The following VSIG1 variants were observed in gnomAD, a reference collection of about 807,000 sequenced individuals.
VSIG1 encodes V-set and immunoglobulin domain-containing protein 1.
VSIG1 carries 11 observed loss-of-function variants against 20.1 expected under a neutral mutation model. That is an observed-to-expected ratio of 0.55 (90% CI 0.34 to 0.91). The LOEUF is 0.91. Ranked by LOEUF, VSIG1 falls within the 40% of genes least tolerant of loss-of-function variation. The pLI is 0.02. For synonymous variants in VSIG1, 126 were observed against 116.7 expected (o/e 1.08, Z -0.52); for missense variants, 283 against 298.8 (o/e 0.95, Z 0.39).
At chrX:108,059,531 T>C (rs1260323826) in intron 2 of VSIG1, among the ~76,000 whole-genome samples, 2 of 112,180 alleles carry the variant, frequency 1.8e-5, no homozygotes, top group Middle Eastern at 4.6e-3. Flanking sequence ...ATAATGCATG[T>C]GAAAAATATA....
chrX:108,020,893 T>A, the VSIG1 span, among the ~76,000 whole-genome samples: 1 of 111,925 alleles, frequency 8.9e-6, no homozygotes, highest in East Asian at 2.8e-4. Flanking sequence ...TACAGCATGG[T>A]GCTGCTGAAC....
chrX:108,049,590 T>G (rs1405374045), intron 1 of VSIG1, among the ~76,000 whole-genome samples: 1 of 112,063 alleles, frequency 8.9e-6, no homozygotes, highest in Non-Finnish European at 1.9e-5. Context: ...TGTTTTGCCT[T>G]ATCTGTTCAT....
chrX:108,054,679 G>T (rs1215000227), intron 1 of VSIG1, among the ~76,000 whole-genome samples: 2 of 110,536 alleles, frequency 1.8e-5, no homozygotes, highest in Non-Finnish European at 3.8e-5. Flanking sequence ...ATCTAAACAC[G>T]TGGAAATTAA....
the VSIG1 span, among the ~76,000 whole-genome samples, chrX:108,037,694 A>G: frequency 4.4e-5 from 5 of 112,680 alleles, no homozygotes; most frequent in South Asian, 3.6e-4. Context: ...AATGGATTAA[A>G]TCCAAATTCA....
rs1288025849 is a variant in VSIG1 at position 108,067,098 on chromosome X, G to A, written c.376G>A (p.Gly126Ser). The change falls in exon 3 of 7, where the codon GGC becomes AGC. Residue 126 changes from glycine to serine, a missense_variant. Coordinates refer to ENST00000217957, the MANE Select transcript of VSIG1 (RefSeq NM_182607.5). ...TGTTAACAACCCCCCAGACTTTCTC[G>A]GCCAAAACCAAGGCATCCTCAACGT... is the stretch of plus-strand genomic sequence containing the variant. ...CDVNNPPDFLGQNQGILNVSV... is the reference protein window; with the variant it reads ...CDVNNPPDFLSQNQGILNVSV... 1.7e-6 allele frequency: 2 copies of A among 1,211,177 alleles called. No homozygotes were observed. The highest frequency in any genetic ancestry group is 3.0e-5 in the East Asian group (1 of 33,830).
chrX:108,067,413 G>A (rs2031155017), intron 3 of VSIG1, among the ~76,000 whole-genome samples: 1 of 111,560 alleles, frequency 9.0e-6, no homozygotes, highest in African/African-American at 3.3e-5. Context: ...GGGATGGAAT[G>A]AGAACAGATG....
the VSIG1 span, among the ~76,000 whole-genome samples, chrX:108,039,435 T>C: frequency 9.0e-6 from 1 of 111,504 alleles, no homozygotes; most frequent in Non-Finnish European, 1.9e-5. Flanking sequence ...CCTCAAATGA[T>C]CCACCCGTCT....
the VSIG1 span, among the ~76,000 whole-genome samples, chrX:108,020,618 C>T: frequency 1.8e-5 from 2 of 111,935 alleles, no homozygotes; most frequent in Non-Finnish European, 3.8e-5. Flanking sequence ...TACCAGTCTT[C>T]TCTGTCTGGC....
the VSIG1 span, among the ~76,000 whole-genome samples, chrX:108,024,336 T>C: frequency 9.0e-6 from 1 of 111,241 alleles, no homozygotes; most frequent in Non-Finnish European, 1.9e-5. Context: ...GAGTCTTTTA[T>C]TTTTGATCAG....
chrX:108,044,270 A>T (rs1413603558), upstream of VSIG1, among the ~76,000 whole-genome samples: 3 of 111,616 alleles, frequency 2.7e-5, no homozygotes, highest in Admixed American at 9.5e-5. Context: ...TAATAGGAAC[A>T]CTATTAGAAG....
rs1329138268 is a variant in VSIG1 at position 108,045,134 on chromosome X, G to A, written c.4G>A (p.Val2Met). 1 of 1,191,062 alleles carries A rather than the reference G, an allele frequency of 8.4e-7. No homozygotes were observed. The highest frequency in any genetic ancestry group is 2.2e-5 in the Admixed American group (1 of 44,814). Reference protein sequence around the residue: MVFAFWKVFLIL... With the variant: MMFAFWKVFLIL... ...GCTCTCAACTAACCTCCACACAATG[G>A]TGTTCGCATTTTGGAAGGTCTTTCT... Residue 2 changes from valine to methionine, a missense_variant, in exon 1 of 7, where the codon GTG becomes ATG. By Grantham distance (21) the Val-to-Met change is conservative. Transcript: ENST00000217957.
intron 1 of VSIG1, among the ~76,000 whole-genome samples, chrX:108,047,955 C>CACATATATATATATAT (rs2030673373): frequency 7.3e-5 from 1 of 13,731 alleles, no homozygotes; most frequent in Admixed American, 1.4e-3. Flanking sequence ...TATATATATA[C>CACATATATATATATAT]ACACACATAT....
At chrX:108,050,314 T>C (rs1478376866) in intron 1 of VSIG1, among the ~76,000 whole-genome samples, 1 of 111,866 alleles carries the variant, frequency 8.9e-6, no homozygotes, top group African/African-American at 3.3e-5. Context: ...CTCTATGCAA[T>C]TTCCTCTGAA....
chrX:108,029,073 A>T, the VSIG1 span, among the ~76,000 whole-genome samples: 1 of 112,441 alleles, frequency 8.9e-6, no homozygotes, highest in African/African-American at 3.2e-5. Context: ...TGCCAAATAA[A>T]ATATGGGAAG....
At chrX:108,038,365 C>T in the VSIG1 span, among the ~76,000 whole-genome samples, 1 of 111,357 alleles carries the variant, frequency 9.0e-6, no homozygotes, top group Non-Finnish European at 1.9e-5. Context: ...GTTTTCTGTT[C>T]CTGTGTTAGT....
upstream of VSIG1, among the ~76,000 whole-genome samples, chrX:108,042,206 C>T (rs2030492619): frequency 8.9e-6 from 1 of 111,757 alleles, no homozygotes; most frequent in East Asian, 2.8e-4. Context: ...TCTTACATAG[C>T]AGCAGTATAG....
chrX:108,040,123 T>C (rs2030456634), upstream of VSIG1, among the ~76,000 whole-genome samples: 1 of 111,095 alleles, frequency 9.0e-6, no homozygotes, highest in African/African-American at 3.3e-5. Flanking sequence ...ATAACATAGA[T>C]ACCAAACCCA....
At chrX:108,024,450 GC>G in the VSIG1 span, among the ~76,000 whole-genome samples, 2 of 107,957 alleles carry the variant, frequency 1.9e-5, no homozygotes, top group African/African-American at 6.7e-5. Flanking sequence ...ATTTATTTGT[GC>G]TTTAATCTTT....
Position 108,076,213 on chromosome X carries a change from A to G in VSIG1, c.825A>G (p.Glu275=). 1 of 1,207,728 alleles carries G rather than the reference A, an allele frequency of 8.3e-7. No individual in the cohort carries two copies. The highest frequency in any genetic ancestry group is 1.8e-5 in the South Asian group (1 of 55,947). The stretch of plus-strand genomic sequence containing the variant: ...AAAGAAATTCTAAGACCATCGCGGA[A>G]CTTGAGTAAGCCTTCATTTTGTTGT... The part of the protein sequence containing the change: ...AKERNSKTIA[E]LEPMTKINPR... Residue 275 remains glutamate (E), a synonymous_variant, in exon 6 of 7, where the codon GAA becomes GAG. Coordinates refer to ENST00000217957, the MANE Select transcript of VSIG1 (RefSeq NM_182607.5).
Sources: allele counts gnomAD v4.1 joint callset (sites outside exome capture counted in the v4.1 genomes callset), GRCh38; gene constraint gnomAD v4.1.1; transcripts MANE v1.5; gene names NCBI Gene and HGNC (gene_info 2026-07-23, HGNC 2026-07-21).